USP40: variants seen among roughly 807,000 people sequenced by gnomAD.
The protein encoded by USP40 is ubiquitin specific peptidase 40, also known as ubiquitin carboxyl-terminal hydrolase 40.
Under a neutral mutation model 166.2 loss-of-function variants are expected in USP40, and 143 were observed. The observed-to-expected ratio is 0.86, with a 90% CI of 0.75 to 0.99. USP40 has a LOEUF of 0.99. USP40 is among the 50% of genes least tolerant of loss of function. The pLI is 0.00. For synonymous variants in USP40, 498 were observed against 524.0 expected, an observed-to-expected ratio of 0.95 and a Z score of 0.68; for missense variants, 1,444 against 1,479.7, an observed-to-expected ratio of 0.98 and a Z score of 0.40.
chr2:233,513,536 T>C (rs997820885), intron 18 of USP40, among the ~76,000 whole-genome samples: 7 of 152,178 alleles, frequency 4.6e-5, no homozygotes, highest in Non-Finnish European at 8.8e-5. Context: ...GGCAGTCAAG[T>C]GTGTACTTTA....
intron 31 of USP40, among the ~76,000 whole-genome samples, chr2:233,479,132 A>T (rs938380635): frequency 6.6e-6 from 1 of 152,232 alleles, no homozygotes; most frequent in Non-Finnish European, 1.5e-5. Context: ...GTGCTATCTC[A>T]AACAGCACAG....
In USP40 at chr2:233,485,843, T is replaced by C. The variant is rs143661480; in HGVS notation, c.3332A>G (p.Tyr1111Cys). The C allele has an allele frequency of 2.4e-3, 3,793 of 1,610,824 alleles. 8 individuals carry two copies. Among genetic ancestry groups the C allele is most frequent in the Non-Finnish European group, 3.0e-3 (3,592 of 1,178,874 alleles). The change falls in exon 29 of 32, where the codon TAT becomes TGT. Residue 1111 changes from tyrosine to cysteine, a missense_variant. By Grantham distance (194) the Tyr-to-Cys change is radical. Transcript: ENST00000678225. Reference sequence around the variant, plus strand: ...TTCAATCTTCTCCACGGGAAGACGATAGAAATCGGCAACTCTCTGCCTCAG... The same window carrying C: ...TTCAATCTTCTCCACGGGAAGACGACAGAAATCGGCAACTCTCTGCCTCAG... ...GSLRQRVADF[Y>C]RLPVEKIEIA...
At chr2:233,506,754 A>G (rs11899715) in intron 21 of USP40, among the ~76,000 whole-genome samples, 3,584 of 149,166 alleles carry the variant, frequency 0.024, 163 homozygotes, top group African/African-American at 0.082. Flanking sequence ...AAAAAAAAAA[A>G]AAAAAAAATA....
chr2:233,498,668 G>A (rs1037384960), intron 22 of USP40, 56 bp from the exon 23 acceptor site: 22 of 1,433,850 alleles, frequency 1.5e-5, no homozygotes, highest in South Asian at 8.4e-5. Context: ...GAGACGTTGC[G>A]TGTAACTTCT....
intron 22 of USP40, among the ~76,000 whole-genome samples, chr2:233,498,974 C>T (rs1280706816): frequency 6.6e-6 from 1 of 152,078 alleles, no homozygotes; most frequent in African/African-American, 2.4e-5. Flanking sequence ...CTGCGTGGCT[C>T]CAGGTGGTAT....
rs534582955 is a variant in USP40 at position 233,491,210 on chromosome 2, A to C, written c.2969T>G (p.Ile990Arg). 31 of 1,611,968 alleles carry C rather than the reference A, an allele frequency of 1.9e-5. No individual in the cohort carries two copies. Among genetic ancestry groups the C allele is most frequent in the East Asian group, 8.9e-5 (4 of 44,876 alleles). Residue 990 changes from isoleucine (I) to arginine (R), a missense_variant, in exon 26 of 32, where the codon ATA becomes AGA. Coordinates refer to ENST00000678225, the MANE Select transcript of USP40 (RefSeq NM_001365479.2). ...CAGCGTGGCATCTTCTGAGATCTCT[A>C]TGTCTCCCAAGTAGAGGAGAGAAAC... ...AQVSLLYLGD[I>R]EISEDATLAE... is the part of the protein sequence containing the mutation.
chr2:233,544,115 C>T (rs1181202348), intron 8 of USP40, among the ~76,000 whole-genome samples: 1 of 152,146 alleles, frequency 6.6e-6, no homozygotes, highest in East Asian at 1.9e-4. Flanking sequence ...TTCTGCCTGG[C>T]TGATTACAAA....
chr2:233,561,134 A>T, intron 3 of USP40: 3 of 1,562,950 alleles, frequency 1.9e-6, no homozygotes, highest in Non-Finnish European at 2.6e-6. Context: ...ACGCTAAAAC[A>T]CCCCAGTAAA....
chr2:233,555,362 GTA>G (rs1206931291), intron 5 of USP40, among the ~76,000 whole-genome samples: 5 of 152,118 alleles, frequency 3.3e-5, no homozygotes, highest in Non-Finnish European at 7.3e-5. Context: ...TTATAGTTCT[GTA>G]TGTGTGTGCA....
chr2:233,540,080 G>A lies in USP40; in HGVS notation c.1170+582C>T, dbSNP rs187190778. 6.5e-3 allele frequency among the ~76,000 whole-genome samples: 967 copies of A among 148,256 alleles called. 7 individuals are homozygous for A. The highest frequency in any genetic ancestry group is 0.023 in the African/African-American group (914 of 40,068). On this transcript the variant is annotated intron_variant, in intron 10 of 31. Transcript: ENST00000678225. ...GTGGAGGTTGCAGTGAGCTGAGGTCGTGCCGCTGCACTCCAGCCTGGGCGA... is the reference window on the plus strand; with the variant it reads ...GTGGAGGTTGCAGTGAGCTGAGGTCATGCCGCTGCACTCCAGCCTGGGCGA...
intron 21 of USP40, among the ~76,000 whole-genome samples, chr2:233,508,620 T>C (rs1215852439): frequency 6.6e-6 from 1 of 152,192 alleles, no homozygotes; most frequent in Non-Finnish European, 1.5e-5. Context: ...GATCCTTGCC[T>C]AGGTTCATTA....
rs758624202 is a variant in USP40 at position 233,486,016 on chromosome 2, CA to C, written c.3198-40del. On this transcript the variant is annotated intron_variant, in intron 28 of 31. Transcript: ENST00000678225. The surrounding 1 kb of genome is among the most constrained non-coding windows in gnomAD (Gnocchi z 4.0). ...CCGTCAAGCGCCAGATCCAAACAAA[CA>C]AACAAAACCACGTGGTAACTTGAGG... The C allele has an allele frequency of 1.6e-5, 24 of 1,531,510 alleles. No individual in the cohort carries two copies. The Middle Eastern group carries it at 6.6e-4, about 42-fold the overall frequency. 94.9% of individuals were successfully genotyped at this position (1,531,510 alleles called of 1,614,324 possible).
At chr2:233,520,055 G>C (rs2125208414) in intron 17 of USP40, among the ~76,000 whole-genome samples, 1 of 152,264 alleles carries the variant, frequency 6.6e-6, no homozygotes, top group South Asian at 2.1e-4. Flanking sequence ...CAGGAATGAT[G>C]AATGTGGGGC....
At chr2:233,510,535 TGGGATTCC>T (rs1196750005) in intron 20 of USP40, among the ~76,000 whole-genome samples, 1 of 151,302 alleles carries the variant, frequency 6.6e-6, no homozygotes, top group African/African-American at 2.4e-5. Flanking sequence ...CCCATGTAGC[TGGGATTCC>T]AGGTGCATGC....
rs557214419 is a variant in USP40, at chr2:233,490,278, C to G, written c.3013-795G>C. Among the ~76,000 whole-genome samples, 77 of 151,538 alleles carry G rather than the reference C, an allele frequency of 5.1e-4. 1 individual carries two copies. In the South Asian group the frequency reaches 0.015, roughly 30 times the overall value. On this transcript the variant is annotated intron_variant, in intron 26 of 31. Coordinates refer to ENST00000678225, the MANE Select transcript of USP40 (RefSeq NM_001365479.2). ...TCCTGGGTTCAAGTGATTCTCCTGCCTCAGCCTCCGAGTAGCTGGGATTAC... is the reference window on the plus strand; with the variant it reads ...TCCTGGGTTCAAGTGATTCTCCTGCGTCAGCCTCCGAGTAGCTGGGATTAC...
In USP40 at chr2:233,486,154, A is replaced by G. The variant is rs1284274479; in HGVS notation, c.3198-177T>C. 6.6e-6 allele frequency among the ~76,000 whole-genome samples: 1 copy of G among 152,080 alleles called. No homozygotes were observed. The highest frequency in any genetic ancestry group is 1.5e-5 in the Non-Finnish European group (1 of 68,008). ...TTATTCCGCATTTCAATTTCCTTTA[A>G]TCTTGGAATGAAGAGCGGAAGTGAA... is the stretch of plus-strand genomic sequence containing the variant. On this transcript the variant is annotated intron_variant, in intron 28 of 31. Transcript: ENST00000678225. This position sits in a 1 kb window ranked among gnomAD's most constrained non-coding sequence, Gnocchi z 4.0.
intron 2 of USP40, 37 bp from the exon 3 acceptor site, chr2:233,562,840 T>C: frequency 6.9e-7 from 1 of 1,459,174 alleles, no homozygotes; most frequent in South Asian, 1.4e-5. Flanking sequence ...GCAAATGACA[T>C]CATTTCATTT....
intron 22 of USP40, 57 bp from the exon 23 acceptor site, chr2:233,498,669 T>C: frequency 7.0e-7 from 1 of 1,431,202 alleles, no homozygotes; most frequent in Non-Finnish European, 9.8e-7. Context: ...AGACGTTGCG[T>C]GTAACTTCTA....
chr2:233,489,634 A>ATC (rs925471533), intron 26 of USP40, 151 bp from the exon 27 acceptor site: 5 of 660,446 alleles, frequency 7.6e-6, no homozygotes, highest in East Asian at 5.6e-5. Context: ...AGTCACAGGA[A>ATC]TCTCTCTCTC....
Sources: gnomAD v4.1 joint callset for allele counts (sites outside exome capture counted in the v4.1 genomes callset) on GRCh38, gnomAD v4.1.1 for gene constraint, Gnocchi (gnomAD v3.1) non-coding constraint, MANE v1.5 for transcripts, NCBI Gene and HGNC (gene_info 2026-07-23, HGNC 2026-07-21) for gene names.